Variants in NCAM2 observed in about 807,000 individuals in gnomAD.
The protein encoded by NCAM2 is N-CAM-2.
Under a neutral mutation model 98.1 loss-of-function variants are expected in NCAM2, and 30 were observed. The ratio of observed to expected loss-of-function variants is 0.31; its 90% CI spans 0.23 to 0.41. The LOEUF is 0.41. Among genes scored for constraint, NCAM2 ranks in the 10% least tolerant of loss-of-function variants. The probability of loss-of-function intolerance (pLI) is 1.00; values close to 1 mark genes in which losing one functional copy is unlikely to be tolerated. For missense variants in NCAM2, 867 were observed against 1,005.8 expected, an observed-to-expected ratio of 0.86 and a Z score of 1.87; for synonymous variants, 368 against 342.4, an observed-to-expected ratio of 1.07 and a Z score of -0.83.
At chr21:21,477,506 A>T (rs576228675) in intron 15 of NCAM2, 35 bp downstream of exon 15, 2 of 1,451,332 alleles carry the variant, frequency 1.4e-6, no homozygotes, top group South Asian at 2.9e-5. Flanking sequence ...AGACTGAACA[A>T]TAAATATGAT....
chr21:21,118,228 T>G (rs1360062718), intron 1 of NCAM2, among the ~76,000 whole-genome samples: 1 of 152,172 alleles, frequency 6.6e-6, no homozygotes, highest in African/African-American at 2.4e-5. Flanking sequence ...TAGCTGTGAT[T>G]AATTATATAG....
intron 1 of NCAM2, among the ~76,000 whole-genome samples, chr21:21,279,568 AG>A (rs2072854668): frequency 6.6e-6 from 1 of 152,130 alleles, no homozygotes; most frequent in Non-Finnish European, 1.5e-5. Flanking sequence ...CATGTTTGCC[AG>A]GCTGGTCTCA....
chr21:21,468,209 TTTACTAATTGCAAGTCATTATC>T (rs1235798157), intron 13 of NCAM2, among the ~76,000 whole-genome samples: 12 of 152,142 alleles, frequency 7.9e-5, no homozygotes, highest in African/African-American at 2.4e-4. Flanking sequence ...TTAAAGCACA[TTTACTAATTGCAAGTCATTATC>T]TTTACTGGTA....
intron 9 of NCAM2, among the ~76,000 whole-genome samples, chr21:21,379,815 G>GTA (rs560540766): frequency 1.6e-3 from 242 of 151,044 alleles, no homozygotes; most frequent in South Asian, 0.014. Flanking sequence ...AGATATATAT[G>GTA]TATATATATA....
intron 15 of NCAM2, 30 bp from the exon 16 acceptor site, chr21:21,508,808 CTTTTTTTTTTTTT>C (rs764097299): frequency 3.7e-3 from 1,523 of 412,620 alleles, no homozygotes; most frequent in East Asian, 0.011. Flanking sequence ...ACTTTTTTTC[CTTTTTTTTTTTTT>C]TTTTTTTTTT....
At chr21:21,013,300 A>G (rs757016263) in intron 1 of NCAM2, among the ~76,000 whole-genome samples, 23 of 152,242 alleles carry the variant, frequency 1.5e-4, no homozygotes, top group Admixed American at 4.6e-4. Flanking sequence ...AAGCAAAGCA[A>G]CCTTATTGCT....
At chr21:21,452,139 A>G (rs1981182518) in intron 12 of NCAM2, among the ~76,000 whole-genome samples, 1 of 146,748 alleles carries the variant, frequency 6.8e-6, no homozygotes, top group East Asian at 2.0e-4. Flanking sequence ...GAGGTTTTTT[A>G]TCTCCTCTGA....
At chr21:21,143,803 A>AG (rs2067217817) in intron 1 of NCAM2, among the ~76,000 whole-genome samples, 1 of 63,770 alleles carries the variant, frequency 1.6e-5, no homozygotes, top group South Asian at 6.3e-4. Flanking sequence ...TTTTTTAGGA[A>AG]GTTTTTTTTT....
chr21:21,386,037 C>T (rs1169800617), intron 9 of NCAM2, among the ~76,000 whole-genome samples: 2 of 151,984 alleles, frequency 1.3e-5, no homozygotes, highest in East Asian at 3.9e-4. Context: ...CAGATACATT[C>T]TAAGGTTATG....
At chr21:21,223,346 A>G (rs898130260) in intron 1 of NCAM2, 7 of 152,096 alleles carry the variant, frequency 4.6e-5, no homozygotes, top group Admixed American at 1.3e-4. Context: ...TTCATTTCAT[A>G]TCTGTGAGAA....
chr21:21,289,465 AG>A (rs1360398247), intron 4 of NCAM2, among the ~76,000 whole-genome samples: 1 of 151,962 alleles, frequency 6.6e-6, no homozygotes, highest in Non-Finnish European at 1.5e-5. Context: ...GCCTGCCAGG[AG>A]GAAAAAGTTA....
chr21:21,226,912 A>G (rs902626677), intron 1 of NCAM2: 2 of 152,046 alleles, frequency 1.3e-5, no homozygotes, highest in Non-Finnish European at 2.9e-5. Flanking sequence ...GAGGAAAAAT[A>G]TACATATGAT....
intron 4 of NCAM2, among the ~76,000 whole-genome samples, chr21:21,290,753 C>T (rs1286440927): frequency 6.6e-6 from 1 of 151,790 alleles, no homozygotes; most frequent in Non-Finnish European, 1.5e-5. Flanking sequence ...TAATGAGTAT[C>T]TATGCCCTGA....
chr21:21,427,194 A>G (rs774735074), intron 11 of NCAM2, among the ~76,000 whole-genome samples: 12 of 151,894 alleles, frequency 7.9e-5, no homozygotes, highest in Non-Finnish European at 1.8e-4. Flanking sequence ...AAAGAAGAGT[A>G]TGTTTCCTGA....
intron 1 of NCAM2, among the ~76,000 whole-genome samples, chr21:21,151,156 C>G (rs989302454): frequency 6.6e-6 from 1 of 151,218 alleles, no homozygotes; most frequent in Non-Finnish European, 1.5e-5. Context: ...TTTTTATTAC[C>G]TATTTTGAAT....
intron 16 of NCAM2, among the ~76,000 whole-genome samples, chr21:21,510,514 T>C (rs1160926963): frequency 3.3e-5 from 5 of 152,154 alleles, no homozygotes; most frequent in African/African-American, 1.2e-4. Flanking sequence ...TTTCAAGGAC[T>C]GATGCTTTTT....
chr21:21,022,084 C>T (rs2064449591), intron 1 of NCAM2, among the ~76,000 whole-genome samples: 1 of 151,934 alleles, frequency 6.6e-6, no homozygotes. Flanking sequence ...TATAAATGAA[C>T]ATATTGTACT....
intron 11 of NCAM2, among the ~76,000 whole-genome samples, chr21:21,428,509 A>G (rs1456144727): frequency 6.6e-6 from 1 of 152,174 alleles, no homozygotes; most frequent in African/African-American, 2.4e-5. Flanking sequence ...TTGATTTTGC[A>G]TTTGCATGCC....
chr21:21,107,492 C>A (rs2066372816), intron 1 of NCAM2, among the ~76,000 whole-genome samples: 1 of 152,032 alleles, frequency 6.6e-6, no homozygotes, highest in South Asian at 2.1e-4. Context: ...GTCATTCCAC[C>A]CCCGTTTCCC....
Sources: gnomAD v4.1 joint callset for allele counts (sites outside exome capture counted in the v4.1 genomes callset) on GRCh38, gnomAD v4.1.1 for gene constraint, MANE v1.5 for transcripts, NCBI Gene and HGNC (gene_info 2026-07-23, HGNC 2026-07-21) for gene names.